The following CTNNA2 variants were observed in gnomAD, a reference collection of about 807,000 sequenced individuals.
CTNNA2 encodes catenin alpha 2.
In CTNNA2, 42 loss-of-function variants were observed where a neutral mutation model predicts 101.0. The observed-to-expected ratio is 0.42, with a 90% confidence interval of 0.32 to 0.54. The LOEUF is 0.54. CTNNA2 is among the 20% of genes least tolerant of loss of function. The pLI is 0.14. For synonymous variants in CTNNA2, 450 were observed against 456.4 expected, an observed-to-expected ratio of 0.99 and a Z score of 0.18; for missense variants, 871 against 1,223.1, an observed-to-expected ratio of 0.71 and a Z score of 4.29.
intron 4 of CTNNA2, among the ~76,000 whole-genome samples, chr2:79,432,524 G>A (rs973263791): frequency 1.4e-4 from 21 of 152,032 alleles, no homozygotes; most frequent in East Asian, 5.8e-4. Context: ...CCTTTCCTTC[G>A]TTATTAGTTA....
chr2:80,255,642 A>G (rs1672085350), intron 7 of CTNNA2, among the ~76,000 whole-genome samples: 1 of 152,172 alleles, frequency 6.6e-6, no homozygotes, highest in South Asian at 2.1e-4. Flanking sequence ...AACTTTGTTT[A>G]TGCCATGTCT....
chr2:79,709,520 G>A lies in CTNNA2; in HGVS notation c.103-34867G>A, dbSNP rs74404391. 4.5e-3 allele frequency among the ~76,000 whole-genome samples: 678 copies of A among 152,134 alleles called. 7 individuals carry two copies. The highest frequency in any genetic ancestry group is 0.016 in the African/African-American group (648 of 41,498). On this transcript the variant is annotated intron_variant, in intron 2 of 18. Coordinates refer to ENST00000402739, the MANE Select transcript of CTNNA2 (RefSeq NM_001282597.3). ...TAGGGATGAGGGGTGATATGATAAA[G>A]TACTTGGCAATCCAAAACAAAGCCA...
intron 9 of CTNNA2, among the ~76,000 whole-genome samples, chr2:80,431,969 G>C (rs562801479): frequency 6.6e-6 from 1 of 152,052 alleles, no homozygotes; most frequent in South Asian, 2.1e-4. Flanking sequence ...ATTGTGAGTG[G>C]CCACAGTGCC....
chr2:79,731,218 T>TGATAAAGTACTTGATA (rs1446115319), intron 2 of CTNNA2, among the ~76,000 whole-genome samples: 2 of 152,050 alleles, frequency 1.3e-5, no homozygotes, highest in Non-Finnish European at 2.9e-5. Context: ...GCCAATGAAG[T>TGATAAAGTACTTGATA]AAGAATAGAC....
intron 3 of CTNNA2, among the ~76,000 whole-genome samples, chr2:79,791,374 T>C (rs1675258553): frequency 6.6e-6 from 1 of 152,148 alleles, no homozygotes; most frequent in Non-Finnish European, 1.5e-5. Context: ...TCTCCTTTCA[T>C]CCTTCCAAGC....
chr2:80,435,613 G>T (rs527732461), intron 9 of CTNNA2, among the ~76,000 whole-genome samples: 2 of 152,188 alleles, frequency 1.3e-5, no homozygotes, highest in Non-Finnish European at 2.9e-5. Context: ...GGAACAGGTA[G>T]GTAGAGAATA....
intron 1 of CTNNA2, among the ~76,000 whole-genome samples, chr2:79,601,825 C>T (rs557123268): frequency 5.7e-4 from 87 of 152,266 alleles, no homozygotes; most frequent in African/African-American, 2.0e-3. Context: ...CACAGATGCT[C>T]CCTGACCTAT....
chr2:80,276,169 C>T (rs558864595), intron 7 of CTNNA2, among the ~76,000 whole-genome samples: 94 of 152,320 alleles, frequency 6.2e-4, no homozygotes, highest in Middle Eastern at 3.4e-3. Context: ...TAGGTTCTGA[C>T]ATCAGTCATT....
At chr2:79,779,117 C>G (rs1222053177) in intron 3 of CTNNA2, among the ~76,000 whole-genome samples, 2 of 142,996 alleles carry the variant, frequency 1.4e-5, no homozygotes, top group African/African-American at 5.6e-5. Flanking sequence ...ACATTTACAG[C>G]TGAAATTCTG....
chr2:80,107,750 G>A (rs1700980090), intron 7 of CTNNA2, among the ~76,000 whole-genome samples: 1 of 152,200 alleles, frequency 6.6e-6, no homozygotes, highest in African/African-American at 2.4e-5. Flanking sequence ...GTCCATGGAC[G>A]GCAGAGCTAA....
chr2:80,294,622 C>T (rs914949147), intron 7 of CTNNA2, among the ~76,000 whole-genome samples: 3 of 152,036 alleles, frequency 2.0e-5, no homozygotes, highest in African/African-American at 4.8e-5. Context: ...ACTATGGAAT[C>T]ACCTGGGAAG....
intron 6 of CTNNA2, among the ~76,000 whole-genome samples, chr2:79,879,380 G>A (rs1369685957): frequency 6.6e-6 from 1 of 151,950 alleles, no homozygotes; most frequent in Non-Finnish European, 1.5e-5. Context: ...TTTGATGGAA[G>A]TAGCATTTAT....
At chr2:80,013,610 C>A (rs1693932475) in intron 7 of CTNNA2, among the ~76,000 whole-genome samples, 1 of 152,152 alleles carries the variant, frequency 6.6e-6, no homozygotes, top group Admixed American at 6.5e-5. Flanking sequence ...GTTGCCTTGG[C>A]TCTTAGCACA....
intron 1 of CTNNA2, among the ~76,000 whole-genome samples, chr2:79,593,407 G>A (rs1261773513): frequency 1.3e-5 from 2 of 152,172 alleles, no homozygotes; most frequent in African/African-American, 4.8e-5. Flanking sequence ...CAGTTAATAT[G>A]TAACTCTTAA....
At chr2:80,640,442 G>A (rs1245578308) in intron 18 of CTNNA2, among the ~76,000 whole-genome samples, 1 of 152,188 alleles carries the variant, frequency 6.6e-6, no homozygotes, top group African/African-American at 2.4e-5. Flanking sequence ...ATGTCTTTCT[G>A]TGAACATATA....
intron 7 of CTNNA2, among the ~76,000 whole-genome samples, chr2:80,325,358 T>C (rs1440806884): frequency 6.6e-6 from 1 of 152,232 alleles, no homozygotes; most frequent in Non-Finnish European, 1.5e-5. Flanking sequence ...TTAAATGATC[T>C]AATCCATTTT....
intron 7 of CTNNA2, among the ~76,000 whole-genome samples, chr2:80,131,886 G>C (rs1460362531): frequency 6.6e-6 from 1 of 152,090 alleles, no homozygotes; most frequent in Non-Finnish European, 1.5e-5. Context: ...TTCGAGACCA[G>C]CCTGGCTAAC....
At chr2:79,216,302 G>A (rs1445988058) in intron 2 of CTNNA2, among the ~76,000 whole-genome samples, 3 of 145,938 alleles carry the variant, frequency 2.1e-5, no homozygotes, top group Non-Finnish European at 4.5e-5. Context: ...GTGGAAGGTT[G>A]CCCATAATGA....
At chr2:80,081,624 A>G (rs1191895840) in intron 7 of CTNNA2, among the ~76,000 whole-genome samples, 1 of 151,808 alleles carries the variant, frequency 6.6e-6, no homozygotes, top group East Asian at 1.9e-4. Flanking sequence ...TTTGGCCTGG[A>G]GAAACTTTAT....
Sources: allele counts gnomAD v4.1 joint callset (sites outside exome capture counted in the v4.1 genomes callset), GRCh38; gene constraint gnomAD v4.1.1; transcripts MANE v1.5; gene names NCBI Gene and HGNC (gene_info 2026-07-23, HGNC 2026-07-21).